CFAP47: variants seen among roughly 807,000 people sequenced by gnomAD.
The protein encoded by CFAP47 is cilia- and flagella-associated protein 47.
CFAP47 carries 29 observed loss-of-function variants against 148.1 expected under a neutral mutation model. The observed-to-expected ratio is 0.20, with a 90% CI of 0.15 to 0.27. The LOEUF (loss-of-function observed/expected upper bound fraction) is 0.27, where lower values mean the gene tolerates loss of function less well. Ranked by LOEUF, CFAP47 falls within the 10% of genes least tolerant of loss-of-function variation. CFAP47 has a pLI of 1.00. For missense variants in CFAP47, 1,872 were observed against 1,697.5 expected, an observed-to-expected ratio of 1.10 and a Z score of -1.81; for synonymous variants, 664 against 577.3, an observed-to-expected ratio of 1.15 and a Z score of -2.15.
chrX:36,239,459 G>A (rs1181577816), intron 48 of CFAP47, among the ~76,000 whole-genome samples: 2 of 112,175 alleles, frequency 1.8e-5, no homozygotes, highest in Non-Finnish European at 3.8e-5. Flanking sequence ...AAAACCAGCA[G>A]CTTTGCAGTC....
intron 63 of CFAP47, among the ~76,000 whole-genome samples, chrX:36,382,243 G>A (rs1405869464): frequency 9.0e-6 from 1 of 111,379 alleles, no homozygotes; most frequent in Non-Finnish European, 1.9e-5. Context: ...GGGAAATGGC[G>A]TGGAACACAT....
intron 62 of CFAP47, among the ~76,000 whole-genome samples, chrX:36,375,826 C>T (rs1056151936): frequency 8.9e-6 from 1 of 112,195 alleles, no homozygotes; most frequent in Non-Finnish European, 1.9e-5. Flanking sequence ...AGTGTGGTGA[C>T]ATGCAGTAGC....
chrX:36,056,485 G>C (rs1161495244), intron 26 of CFAP47, among the ~76,000 whole-genome samples: 2 of 111,988 alleles, frequency 1.8e-5, no homozygotes, highest in Non-Finnish European at 3.8e-5. Context: ...CTGCTCAAAT[G>C]GTGTACTGAC....
intron 46 of CFAP47, among the ~76,000 whole-genome samples, chrX:36,235,507 CA>C (rs782011477): frequency 2.7e-5 from 3 of 112,181 alleles, no homozygotes; most frequent in Non-Finnish European, 5.6e-5. Context: ...CCCGATTTTC[CA>C]GGTGCCGTCT....
intron 33 of CFAP47, among the ~76,000 whole-genome samples, chrX:36,130,600 G>A: frequency 9.0e-6 from 1 of 111,033 alleles, no homozygotes; most frequent in Non-Finnish European, 1.9e-5. Context: ...CAGGAAACCA[G>A]TATATTGAAC....
rs143056955 is a variant in CFAP47, at chrX:35,920,787, C to T, written c.249+739C>T. ...GCGATAAGAATTTTTGAAATGTAAG[C>T]AATAAATAACTGAAAACTTCAAGAG... On this transcript the variant is annotated intron_variant, in intron 1 of 63. Coordinates refer to ENST00000378653, the MANE Select transcript of CFAP47 (RefSeq NM_001304548.2). Among the ~76,000 whole-genome samples, 15 of 111,123 alleles carry T rather than the reference C, an allele frequency of 1.3e-4. No homozygotes were observed. In the East Asian group the frequency reaches 4.2e-3, roughly 31 times the overall value.
At chrX:35,980,986 C>A (rs989168254) in intron 15 of CFAP47, among the ~76,000 whole-genome samples, 21 of 110,110 alleles carry the variant, frequency 1.9e-4, no homozygotes, top group Non-Finnish European at 9.5e-5. Context: ...AAATTGCTCT[C>A]TTTGTCTTTC....
At chrX:36,248,456 G>T (rs1233066273) in intron 48 of CFAP47, among the ~76,000 whole-genome samples, 1 of 99,343 alleles carries the variant, frequency 1.0e-5, no homozygotes, top group African/African-American at 3.7e-5. Flanking sequence ...ATAACATAAA[G>T]AAAGCATAGA....
intron 62 of CFAP47, among the ~76,000 whole-genome samples, chrX:36,370,076 A>G (rs1344613985): frequency 9.0e-6 from 1 of 111,517 alleles, no homozygotes; most frequent in African/African-American, 3.3e-5. Context: ...GAAGAAGGTG[A>G]ATTTACTTTC....
intron 39 of CFAP47, among the ~76,000 whole-genome samples, chrX:36,170,372 G>T (rs1333030479): frequency 9.0e-6 from 1 of 110,689 alleles, no homozygotes; most frequent in African/African-American, 3.3e-5. Context: ...TATGATACAT[G>T]TGCCATGCTG....
At chrX:36,207,424 A>T (rs6632515) in intron 45 of CFAP47, among the ~76,000 whole-genome samples, 13,590 of 110,396 alleles carry the variant, frequency 0.12, 677 homozygotes, top group East Asian at 0.25. Flanking sequence ...GACCATATTT[A>T]TGATCACTTG....
At chrX:35,981,773 G>A (rs916026415) in intron 15 of CFAP47, among the ~76,000 whole-genome samples, 1 of 111,743 alleles carries the variant, frequency 8.9e-6, no homozygotes, top group Non-Finnish European at 1.9e-5. Context: ...AGAACATGTA[G>A]TATTGATTTT....
chrX:36,304,960 T>A (rs1941335117), intron 54 of CFAP47, among the ~76,000 whole-genome samples: 1 of 109,947 alleles, frequency 9.1e-6, no homozygotes, highest in Non-Finnish European at 1.9e-5. Context: ...AGACTGTTTT[T>A]ATCAAGGGAC....
intron 50 of CFAP47, among the ~76,000 whole-genome samples, chrX:36,283,858 T>C (rs12555976): frequency 0.011 from 1,194 of 111,866 alleles, 39 homozygotes; most frequent in East Asian, 0.07. Context: ...GGTGGTCACA[T>C]TGGGATTTGA....
intron 54 of CFAP47, among the ~76,000 whole-genome samples, chrX:36,305,986 C>T (rs1269683112): frequency 1.8e-5 from 2 of 111,909 alleles, no homozygotes; most frequent in Non-Finnish European, 3.8e-5. Flanking sequence ...TATTGGGCAT[C>T]AACTGCTGTA....
rs368075983 is a variant in CFAP47 at position 35,951,344 on chromosome X, C to T, written c.870C>T (p.Ala290=). 44 of 1,181,747 alleles carry T rather than the reference C, an allele frequency of 3.7e-5. No individual in the cohort carries two copies. Among genetic ancestry groups the T allele is most frequent in the Middle Eastern group, 2.3e-4 (1 of 4,297 alleles). The change falls in exon 5 of 64, where the codon GCC becomes GCT. Residue 290 remains alanine, a synonymous_variant. Coordinates refer to ENST00000378653, the MANE Select transcript of CFAP47 (RefSeq NM_001304548.2). ...INWVAIIQDD[A]VGEELGTDIQ... is the part of the protein sequence containing the mutation. ...GGGTGGCCATCATACAAGATGATGCCGTGGGAGAAGAATTGGTAAGTAAGT... is the reference window on the plus strand; with the variant it reads ...GGGTGGCCATCATACAAGATGATGCTGTGGGAGAAGAATTGGTAAGTAAGT...
intron 37 of CFAP47, among the ~76,000 whole-genome samples, chrX:36,156,990 T>C (rs902738030): frequency 9.0e-6 from 1 of 111,121 alleles, no homozygotes; most frequent in African/African-American, 3.3e-5. Flanking sequence ...TGGTCATTCT[T>C]GAATGCTTCT....
intron 21 of CFAP47, among the ~76,000 whole-genome samples, chrX:36,012,645 C>G (rs781354494): frequency 9.0e-6 from 1 of 110,910 alleles, no homozygotes; most frequent in East Asian, 2.9e-4. Flanking sequence ...AGGGGGACAA[C>G]ACACAGTGGG....
intron 39 of CFAP47, among the ~76,000 whole-genome samples, chrX:36,173,899 G>A (rs1169604899): frequency 9.0e-6 from 1 of 111,501 alleles, no homozygotes; most frequent in Non-Finnish European, 1.9e-5. Flanking sequence ...TCACACTGGG[G>A]TGTTAAAGTC....
Sources: gnomAD v4.1 joint callset for allele counts (sites outside exome capture counted in the v4.1 genomes callset) on GRCh38, gnomAD v4.1.1 for gene constraint, MANE v1.5 for transcripts, NCBI Gene and HGNC (gene_info 2026-07-23, HGNC 2026-07-21) for gene names.